AK9: variants seen among roughly 807,000 people sequenced by gnomAD.
The protein encoded by AK9 is adenylate kinase 9, also known as adenylate kinase domain containing 1.
In AK9, 191 loss-of-function variants were observed where a neutral mutation model predicts 239.6. The ratio of observed to expected loss-of-function variants is 0.80; its 90% CI spans 0.71 to 0.90. The LOEUF is 0.90. Among genes scored for constraint, AK9 ranks in the 40% least tolerant of loss-of-function variants. The probability of loss-of-function intolerance (pLI) is 0.00; values close to 1 mark genes in which losing one functional copy is unlikely to be tolerated. For missense variants in AK9, 1,995 were observed against 2,214.7 expected, an observed-to-expected ratio of 0.90 and a Z score of 1.99; for synonymous variants, 689 against 721.0, an observed-to-expected ratio of 0.96 and a Z score of 0.71.
chr6:109,554,266 T>C (rs1784695957), intron 24 of AK9, among the ~76,000 whole-genome samples: 1 of 152,124 alleles, frequency 6.6e-6, no homozygotes, highest in Non-Finnish European at 1.5e-5. Context: ...GTTTCAGAAG[T>C]AATGGTACCA....
At chr6:109,637,259 A>T (rs1333574530) in intron 10 of AK9, among the ~76,000 whole-genome samples, 2 of 152,096 alleles carry the variant, frequency 1.3e-5, no homozygotes, top group East Asian at 3.9e-4. Context: ...ACTGCTGTGG[A>T]GTTGTAGTTG....
chr6:109,566,173 A>G (rs1297012001), intron 21 of AK9, among the ~76,000 whole-genome samples: 1 of 152,120 alleles, frequency 6.6e-6, no homozygotes, highest in East Asian at 1.9e-4. Flanking sequence ...GCATTAACCT[A>G]TATCAGATAT....
At chr6:109,648,552 A>C in intron 8 of AK9, among the ~76,000 whole-genome samples, 1 of 152,208 alleles carries the variant, frequency 6.6e-6, no homozygotes, top group Admixed American at 6.5e-5. Context: ...AAGAAGTTGA[A>C]TCTCTGAATA....
At chr6:109,623,835 C>T (rs897426409) in intron 12 of AK9, among the ~76,000 whole-genome samples, 1 of 147,912 alleles carries the variant, frequency 6.8e-6, no homozygotes, top group Non-Finnish European at 1.5e-5. Flanking sequence ...TTTTCTTCCC[C>T]AAATGATGAA....
chr6:109,621,286 T>C (rs1794782908), intron 12 of AK9, among the ~76,000 whole-genome samples: 1 of 69,490 alleles, frequency 1.4e-5, no homozygotes, highest in Non-Finnish European at 2.9e-5. Context: ...ACTTTTACAC[T>C]GTTGGTGGGA....
chr6:109,597,060 A>G (rs974698059), intron 17 of AK9, among the ~76,000 whole-genome samples: 1 of 152,038 alleles, frequency 6.6e-6, no homozygotes, highest in African/African-American at 2.4e-5. Flanking sequence ...GAAAATCTTT[A>G]TTTTACTAAC....
chr6:109,599,894 A>G lies in AK9; in HGVS notation c.1842+10471T>C, dbSNP rs534091859. On this transcript the variant is annotated intron_variant, in intron 17 of 40. Coordinates refer to ENST00000424296, the MANE Select transcript of AK9 (RefSeq NM_001145128.3). The stretch of plus-strand genomic sequence containing the variant: ...CTCTGTTTGTCTGTTATTGGTGTAT[A>G]AGAATGCTTGCGATTTTTTGCACAT... Among the ~76,000 whole-genome samples the G allele has an allele frequency of 5.3e-5, 8 of 152,302 alleles. No homozygotes were observed. In the South Asian group the frequency reaches 1.2e-3, roughly 24 times the overall value.
At chr6:109,540,052 G>A (rs1252371035) in intron 27 of AK9, among the ~76,000 whole-genome samples, 1 of 152,108 alleles carries the variant, frequency 6.6e-6, no homozygotes, top group Non-Finnish European at 1.5e-5. Context: ...CGGGGGTCAG[G>A]GACCCACTTG....
At chr6:109,538,424 C>A (rs1206708157) in intron 27 of AK9, among the ~76,000 whole-genome samples, 1 of 152,156 alleles carries the variant, frequency 6.6e-6, no homozygotes, top group African/African-American at 2.4e-5. Flanking sequence ...ACTAGGATTG[C>A]AACATCTGCC....
At chr6:109,550,761 C>T (rs1784262769) in intron 24 of AK9, among the ~76,000 whole-genome samples, 1 of 152,056 alleles carries the variant, frequency 6.6e-6, no homozygotes, top group South Asian at 2.1e-4. Flanking sequence ...TGGAAATATC[C>T]TATTTAGCTC....
intron 29 of AK9, 104 bp from the exon 30 acceptor site, chr6:109,516,746 G>T: frequency 2.0e-6 from 2 of 987,316 alleles, no homozygotes; most frequent in Non-Finnish European, 3.0e-6. Flanking sequence ...ATATTGGTTG[G>T]TATTGCATGT....
chr6:109,608,218 G>T (rs1365690381), intron 17 of AK9, among the ~76,000 whole-genome samples: 1 of 150,992 alleles, frequency 6.6e-6, no homozygotes, highest in East Asian at 2.0e-4. Context: ...GGTGGAGGTT[G>T]CAGTGAGCTG....
At chr6:109,648,639 C>CA in intron 8 of AK9, among the ~76,000 whole-genome samples, 1 of 152,304 alleles carries the variant, frequency 6.6e-6, no homozygotes, top group African/African-American at 2.4e-5. Context: ...CAGATGGATT[C>CA]ACAGCCAAAT....
intron 10 of AK9, among the ~76,000 whole-genome samples, chr6:109,639,179 T>C (rs1045423502): frequency 5.3e-5 from 8 of 152,162 alleles, no homozygotes; most frequent in Non-Finnish European, 1.2e-4. Context: ...TAATGGGATC[T>C]CTGGGTCAAA....
intron 1 of AK9, among the ~76,000 whole-genome samples, chr6:109,682,168 G>A (rs925024042): frequency 2.0e-5 from 3 of 152,152 alleles, no homozygotes; most frequent in Non-Finnish European, 2.9e-5. Context: ...GCTCATGCCT[G>A]TAATCCCAGC....
chr6:109,604,994 TC>T (rs34438610), intron 17 of AK9, among the ~76,000 whole-genome samples: 88,573 of 152,030 alleles, frequency 0.58, 27,484 homozygotes, highest in South Asian at 0.84. Context: ...AATTATTAGC[TC>T]CATTGTTTTT....
At chr6:109,517,142 C>T (rs1329406576) in intron 29 of AK9, among the ~76,000 whole-genome samples, 2 of 151,982 alleles carry the variant, frequency 1.3e-5, no homozygotes, top group African/African-American at 4.8e-5. Flanking sequence ...AGGCTATAGC[C>T]CACTGCTTCT....
intron 17 of AK9, among the ~76,000 whole-genome samples, chr6:109,594,080 T>G (rs1387470320): frequency 2.6e-5 from 4 of 152,160 alleles, no homozygotes; most frequent in Non-Finnish European, 4.4e-5. Flanking sequence ...AAAATTTATC[T>G]CTTTGCAGAC....
chr6:109,580,586 C>T (rs938605218), intron 19 of AK9, among the ~76,000 whole-genome samples: 6 of 152,256 alleles, frequency 3.9e-5, no homozygotes, highest in African/African-American at 1.4e-4. Context: ...CTGTTATTTT[C>T]TCATACTCCG....
Sources: allele counts gnomAD v4.1 joint callset (sites outside exome capture counted in the v4.1 genomes callset), GRCh38; gene constraint gnomAD v4.1.1; transcripts MANE v1.5; gene names NCBI Gene and HGNC (gene_info 2026-07-23, HGNC 2026-07-21).